IRAK3: variants seen among roughly 807,000 people sequenced by gnomAD.
IRAK3 encodes the protein interleukin 1 receptor associated kinase 3.
A neutral mutation model predicts 56.6 loss-of-function variants in IRAK3; 57 were observed. The observed-to-expected ratio is 1.01, with a 90% CI of 0.81 to 1.26. The LOEUF is 1.26. IRAK3 is among the 50% of genes most tolerant of loss of function. The pLI, the probability that IRAK3 is intolerant of heterozygous loss-of-function variation, is 0.00. For missense variants in IRAK3, 703 were observed against 719.0 expected (o/e 0.98, Z 0.25); for synonymous variants, 258 against 255.7 (o/e 1.01, Z -0.09).
chr12:66,203,767 C>G lies in IRAK3; in HGVS notation c.190C>G (p.Gln64Glu), dbSNP rs572325225. 66 of 1,613,918 alleles carry G rather than the reference C, an allele frequency of 4.1e-5. No individual in the cohort carries two copies. In the South Asian group the frequency reaches 6.6e-4, roughly 16 times the overall value. Reference sequence around the variant, plus strand: ...TCGTCATATTGAAAAGTATGTAGACCAAGGTAAAAGTGGAACAAGAGAATT... The same window carrying G: ...TCGTCATATTGAAAAGTATGTAGACGAAGGTAAAAGTGGAACAAGAGAATT... ...DVRHIEKYVDQGKSGTRELLW... is the reference protein window; with the variant it reads ...DVRHIEKYVDEGKSGTRELLW... The change falls in exon 2 of 12, where the codon CAA becomes GAA. Residue 64 changes from glutamine to glutamate, a missense_variant. Gln to Glu is a conservative substitution (Grantham distance 29). Transcript: ENST00000261233.
chr12:66,234,118 C>T (rs1303230172), intron 8 of IRAK3: 2 of 1,614,056 alleles, frequency 1.2e-6, no homozygotes, highest in Admixed American at 1.7e-5. Context: ...CATTAGACGT[C>T]TCGACAGCCA....
intron 1 of IRAK3, among the ~76,000 whole-genome samples, chr12:66,193,912 A>G (rs2052423998): frequency 6.6e-6 from 1 of 152,142 alleles, no homozygotes. Context: ...TATGCAGTAG[A>G]GCCTGCTTTT....
At chr12:66,231,813 T>C (rs1480919445) in intron 8 of IRAK3, among the ~76,000 whole-genome samples, 2 of 152,158 alleles carry the variant, frequency 1.3e-5, no homozygotes, top group African/African-American at 4.8e-5. Context: ...ATGAGGACTG[T>C]GGTGAGCAGG....
At chr12:66,239,224 A>G (rs1199971126) in intron 8 of IRAK3, among the ~76,000 whole-genome samples, 1 of 152,130 alleles carries the variant, frequency 6.6e-6, no homozygotes, top group Non-Finnish European at 1.5e-5. Context: ...GTCTCCTGCC[A>G]AGTGAAACAG....
intron 8 of IRAK3, chr12:66,234,505 T>C (rs2052881441): frequency 1.2e-6 from 2 of 1,611,848 alleles, no homozygotes; most frequent in Non-Finnish European, 1.7e-6. Context: ...GTATAGCAGC[T>C]GTAGTTGGGT....
At chr12:66,235,091 C>T (rs1018914338) in intron 8 of IRAK3, 3 of 1,613,492 alleles carry the variant, frequency 1.9e-6, no homozygotes, top group Middle Eastern at 1.8e-4. Context: ...GGGAGGCAGT[C>T]CTCGGATATA....
chr12:66,208,701 C>A (rs920691653), intron 2 of IRAK3, among the ~76,000 whole-genome samples: 1 of 150,784 alleles, frequency 6.6e-6, no homozygotes, highest in Non-Finnish European at 1.5e-5. Flanking sequence ...GCGGAGGTTG[C>A]AGTGAGCCAA....
At chr12:66,195,744 C>G (rs1043302442) in intron 1 of IRAK3, among the ~76,000 whole-genome samples, 5 of 152,202 alleles carry the variant, frequency 3.3e-5, no homozygotes, top group African/African-American at 1.2e-4. Flanking sequence ...TCTGCAACCT[C>G]TACCTCCCGG....
intron 8 of IRAK3, among the ~76,000 whole-genome samples, chr12:66,240,750 T>C (rs368782744): frequency 1.6e-4 from 25 of 151,720 alleles, no homozygotes; most frequent in African/African-American, 5.8e-4. Flanking sequence ...AGTCCTGGCC[T>C]TTCCTGAGAG....
chr12:66,225,278 T>G (rs1179593362), intron 6 of IRAK3, among the ~76,000 whole-genome samples: 1 of 152,094 alleles, frequency 6.6e-6, no homozygotes, highest in Non-Finnish European at 1.5e-5. Context: ...GCTTTTCATT[T>G]CATAGATATA....
chr12:66,215,998 G>T (rs567112734), intron 5 of IRAK3, among the ~76,000 whole-genome samples: 1 of 152,172 alleles, frequency 6.6e-6, no homozygotes, highest in Admixed American at 6.5e-5. Flanking sequence ...TAATCACCTG[G>T]GAATCATCTT....
At chr12:66,211,351 A>G in intron 4 of IRAK3, 95 bp from the exon 5 acceptor site, 2 of 910,398 alleles carry the variant, frequency 2.2e-6, no homozygotes, top group South Asian at 1.4e-5. Context: ...CTAACCTTCC[A>G]CTGGACTCTG....
intron 2 of IRAK3, 25 bp downstream of exon 2, chr12:66,203,918 G>A: frequency 6.3e-7 from 1 of 1,586,508 alleles, no homozygotes; most frequent in Non-Finnish European, 8.7e-7. Flanking sequence ...TTATAATGTG[G>A]CTCTTAATCT....
At chr12:66,214,382 T>TA (rs890202707) in intron 5 of IRAK3, among the ~76,000 whole-genome samples, 33 of 147,560 alleles carry the variant, frequency 2.2e-4, no homozygotes, top group Non-Finnish European at 3.3e-4. Context: ...AAAAAAAAAT[T>TA]AAAAAAAAAA....
At chr12:66,245,373 C>T (rs949052711) in intron 11 of IRAK3, 111 bp downstream of exon 11, 14 of 1,147,888 alleles carry the variant, frequency 1.2e-5, no homozygotes, top group East Asian at 1.2e-4. Flanking sequence ...CAAATCCAGC[C>T]TCCAACAGAG....
chr12:66,205,364 T>C (rs1732877), intron 2 of IRAK3, among the ~76,000 whole-genome samples: 68,923 of 152,016 alleles, frequency 0.45, 17,440 homozygotes, highest in African/African-American at 0.69. Flanking sequence ...AAGACTTTAC[T>C]GCCCTAGTAC....
intron 5 of IRAK3, among the ~76,000 whole-genome samples, chr12:66,215,790 A>ACGTGCGCGCGCGTG (rs1225435769): frequency 9.7e-6 from 1 of 103,090 alleles, no homozygotes; most frequent in Non-Finnish European, 2.4e-5. Context: ...CAACATGCAC[A>ACGTGCGCGCGCGTG]CACACACACA....
At position 66,228,499 on chromosome 12, in the gene IRAK3, A is replaced by G. The variant is rs2052811981; in HGVS notation, c.887+129A>G. The G allele has an allele frequency of 4.1e-6, 3 of 733,350 alleles. No individual in the cohort carries two copies. In the Admixed American group the frequency reaches 6.2e-5, roughly 15 times the overall value. The allele number at this position is 733,350 out of a possible 1,614,324, so 45.4% of individuals were successfully genotyped here. On this transcript the variant is annotated intron_variant, in intron 8 of 11. Transcript: ENST00000261233. ...GTGTGTGTGTTAAGAATTCTCATCT[A>G]GGTATTTAAAAATCCTATATTTTTA...
intron 8 of IRAK3, chr12:66,234,903 G>A: frequency 1.9e-6 from 3 of 1,614,130 alleles, no homozygotes; most frequent in South Asian, 1.1e-5. Context: ...TTTGCCATTT[G>A]AGCTTGAACC....
Sources: gnomAD v4.1 joint callset for allele counts (sites outside exome capture counted in the v4.1 genomes callset) on GRCh38, gnomAD v4.1.1 for gene constraint, MANE v1.5 for transcripts, NCBI Gene and HGNC (gene_info 2026-07-23, HGNC 2026-07-21) for gene names.